The following LINGO2 variants were observed in gnomAD, a reference collection of about 807,000 sequenced individuals.
LINGO2 encodes leucine-rich repeat and immunoglobulin-like domain-containing nogo receptor-interacting protein 2.
In LINGO2, 14 loss-of-function variants were observed where a neutral mutation model predicts 30.6. The ratio of observed to expected loss-of-function variants is 0.46; its 90% confidence interval spans 0.30 to 0.72. The LOEUF is 0.72. Among genes scored for constraint, LINGO2 ranks in the 30% least tolerant of loss-of-function variants. The probability of loss-of-function intolerance (pLI) is 0.07; values close to 1 mark genes in which losing one functional copy is unlikely to be tolerated. For missense variants in LINGO2, 729 were observed against 751.7 expected (o/e 0.97, Z 0.35); for synonymous variants, 317 against 288.5 (o/e 1.10, Z -1.00).
the LINGO2 span, among the ~76,000 whole-genome samples, chr9:28,776,119 T>C: frequency 2.0e-5 from 3 of 152,218 alleles, no homozygotes; most frequent in Admixed American, 6.5e-5. Flanking sequence ...TGGAATACTT[T>C]TGTTATAAGT....
At chr9:28,777,496 G>C in the LINGO2 span, among the ~76,000 whole-genome samples, 1 of 152,298 alleles carries the variant, frequency 6.6e-6, no homozygotes, top group Middle Eastern at 3.4e-3. Context: ...TACAAGATCA[G>C]GTATTGGGAA....
chr9:27,950,252 C>G (rs1438768909), exon 6 of LINGO2: 1 of 1,614,062 alleles, frequency 6.2e-7, no homozygotes, highest in South Asian at 1.1e-5. Context: ...AAATGACAAT[C>G]TTATTCTCAC....
chr9:27,942,640 T>G, the LINGO2 span: 1 of 152,262 alleles, frequency 6.6e-6, no homozygotes, highest in Non-Finnish European at 1.5e-5. Context: ...AGGTTCTTGG[T>G]TATTAACTTT....
At position 28,000,730 on chromosome 9, in the gene LINGO2, T is replaced by C. The variant is rs138663833; in HGVS notation, c.-36+11625A>G. On this transcript the variant is annotated intron_variant, in intron 5 of 5. Coordinates refer to ENST00000379992, the Ensembl canonical transcript of LINGO2. ...TAAAAGTGGGGGCACTACCCGAAAGTTGACAATAGTTTTTTATTTGCCAAG... is the reference window on the plus strand; with the variant it reads ...TAAAAGTGGGGGCACTACCCGAAAGCTGACAATAGTTTTTTATTTGCCAAG... 3.6e-3 allele frequency among the ~76,000 whole-genome samples: 546 copies of C among 152,308 alleles called. 2 individuals are homozygous for C. The highest frequency in any genetic ancestry group is 0.012 in the African/African-American group (517 of 41,582).
intron 5 of LINGO2, among the ~76,000 whole-genome samples, chr9:28,005,211 C>T (rs1822202173): frequency 6.6e-6 from 1 of 152,168 alleles, no homozygotes; most frequent in South Asian, 2.1e-4. Flanking sequence ...TCCAGTGGTC[C>T]TCAGCCAAAT....
At chr9:28,964,141 T>C in the LINGO2 span, among the ~76,000 whole-genome samples, 1 of 151,938 alleles carries the variant, frequency 6.6e-6, no homozygotes, top group Admixed American at 6.6e-5. Flanking sequence ...CATATACATA[T>C]TCTGTATAAG....
chr9:28,707,745 T>C, the LINGO2 span, among the ~76,000 whole-genome samples: 1 of 151,978 alleles, frequency 6.6e-6, no homozygotes, highest in African/African-American at 2.4e-5. Flanking sequence ...GGGGGCTGTA[T>C]CAGTATTTAT....
At chr9:27,969,442 C>T (rs12683422) in intron 5 of LINGO2, among the ~76,000 whole-genome samples, 8,664 of 152,082 alleles carry the variant, frequency 0.057, 701 homozygotes, top group East Asian at 0.19. Flanking sequence ...TACAGGGCTA[C>T]TAAATATCTT....
At chr9:29,154,791 T>C in the LINGO2 span, among the ~76,000 whole-genome samples, 1 of 152,144 alleles carries the variant, frequency 6.6e-6, no homozygotes, top group Non-Finnish European at 1.5e-5. Flanking sequence ...TAGAAAATAT[T>C]TATTTGTAGG....
the LINGO2 span, among the ~76,000 whole-genome samples, chr9:28,974,258 T>C: frequency 1.3e-5 from 2 of 151,810 alleles, no homozygotes; most frequent in Non-Finnish European, 2.9e-5. Flanking sequence ...TACAAAAAAG[T>C]AGCTGGGCGT....
At chr9:28,897,927 A>C in the LINGO2 span, among the ~76,000 whole-genome samples, 1 of 152,104 alleles carries the variant, frequency 6.6e-6, no homozygotes, top group Non-Finnish European at 1.5e-5. Flanking sequence ...AAACTTTTCT[A>C]ATAGTTGGAT....
chr9:28,111,701 T>C (rs1400506351), intron 4 of LINGO2, among the ~76,000 whole-genome samples: 1 of 152,128 alleles, frequency 6.6e-6, no homozygotes, highest in Admixed American at 6.6e-5. Context: ...ATAAATGTAA[T>C]GCAAAGGGCT....
the LINGO2 span, among the ~76,000 whole-genome samples, chr9:28,739,638 T>C: frequency 6.6e-6 from 1 of 151,822 alleles, no homozygotes; most frequent in East Asian, 1.9e-4. Context: ...TAATAAATAA[T>C]ATACCACTTT....
chr9:28,105,570 T>TC (rs1563977852), intron 4 of LINGO2, among the ~76,000 whole-genome samples: 1 of 152,084 alleles, frequency 6.6e-6, no homozygotes, highest in South Asian at 2.1e-4. Context: ...TGAACTGTGT[T>TC]CCCCCCAAAT....
At chr9:27,971,721 T>C (rs1820365029) in intron 5 of LINGO2, among the ~76,000 whole-genome samples, 2 of 152,138 alleles carry the variant, frequency 1.3e-5, no homozygotes, top group African/African-American at 4.8e-5. Flanking sequence ...TGATCGTTAT[T>C]ATCAAAATCA....
the LINGO2 span, among the ~76,000 whole-genome samples, chr9:29,133,869 C>T: frequency 2.7e-4 from 41 of 152,116 alleles, no homozygotes; most frequent in Admixed American, 9.8e-4. Context: ...AATTTGGTCA[C>T]GCTATACAAT....
the LINGO2 span, among the ~76,000 whole-genome samples, chr9:29,120,018 A>G: frequency 6.6e-6 from 1 of 152,124 alleles, no homozygotes; most frequent in Admixed American, 6.5e-5. Flanking sequence ...AAGTTGTGCA[A>G]ATGGGACTGA....
intron 5 of LINGO2, among the ~76,000 whole-genome samples, chr9:28,002,914 T>C (rs1822035636): frequency 6.6e-6 from 1 of 152,126 alleles, no homozygotes; most frequent in African/African-American, 2.4e-5. Context: ...TGTCAGTGTA[T>C]GTGTGAGTGT....
downstream of LINGO2, among the ~76,000 whole-genome samples, chr9:27,947,736 C>T (rs1223864688): frequency 6.6e-6 from 1 of 152,144 alleles, no homozygotes; most frequent in Non-Finnish European, 1.5e-5. Flanking sequence ...GCATTAACAT[C>T]ATGTTATGTA....
Sources: gnomAD v4.1 joint callset for allele counts (sites outside exome capture counted in the v4.1 genomes callset) on GRCh38, gnomAD v4.1.1 for gene constraint, MANE v1.5 for transcripts, NCBI Gene and HGNC (gene_info 2026-07-23, HGNC 2026-07-21) for gene names.